The following HS3ST4 variants were observed in gnomAD, a reference collection of about 807,000 sequenced individuals.
HS3ST4 encodes heparan sulfate glucosamine 3-O-sulfotransferase 4.
Under a neutral mutation model 29.2 loss-of-function variants are expected in HS3ST4, and 17 were observed. The ratio of observed to expected loss-of-function variants is 0.58; its 90% CI spans 0.40 to 0.87. The LOEUF (loss-of-function observed/expected upper bound fraction) is 0.87, where lower values mean the gene tolerates loss of function less well. Among genes scored for constraint, HS3ST4 ranks in the 40% least tolerant of loss-of-function variants. HS3ST4 has a pLI of 0.00. For missense variants in HS3ST4, 627 were observed against 634.5 expected (o/e 0.99, Z 0.13); for synonymous variants, 314 against 285.7 (o/e 1.10, Z -1.00).
intron 1 of HS3ST4, among the ~76,000 whole-genome samples, chr16:25,930,044 A>G (rs1425609482): frequency 1.3e-5 from 2 of 152,136 alleles, no homozygotes; most frequent in African/African-American, 4.8e-5. Context: ...TATAAGTGAG[A>G]ACATGTTGTA....
At chr16:25,735,004 T>G (rs1966597196) in intron 1 of HS3ST4, among the ~76,000 whole-genome samples, 2 of 152,218 alleles carry the variant, frequency 1.3e-5, no homozygotes, top group South Asian at 4.1e-4. Flanking sequence ...AAGCTGACTT[T>G]AGTTTAGAAA....
intron 1 of HS3ST4, among the ~76,000 whole-genome samples, chr16:25,766,551 G>A (rs1266440438): frequency 6.6e-6 from 1 of 152,052 alleles, no homozygotes; most frequent in Non-Finnish European, 1.5e-5. Context: ...TAATCTATTT[G>A]TTTATATATT....
chr16:26,027,809 C>T (rs575441189), intron 1 of HS3ST4, among the ~76,000 whole-genome samples: 29 of 152,220 alleles, frequency 1.9e-4, no homozygotes, highest in African/African-American at 5.8e-4. Flanking sequence ...AATACTTGTT[C>T]GAGTTCACAC....
chr16:25,905,887 T>G (rs191708358), intron 1 of HS3ST4, among the ~76,000 whole-genome samples: 187 of 152,314 alleles, frequency 1.2e-3, no homozygotes, highest in African/African-American at 4.2e-3. Context: ...CAGGGCAGGT[T>G]TCATTCCTTT....
intron 1 of HS3ST4, among the ~76,000 whole-genome samples, chr16:25,912,356 T>G (rs1968249737): frequency 6.6e-6 from 1 of 152,170 alleles, no homozygotes; most frequent in Admixed American, 6.5e-5. Flanking sequence ...TTTTACCTCA[T>G]TTTGACTGTG....
intron 1 of HS3ST4, among the ~76,000 whole-genome samples, chr16:26,131,563 A>G (rs1471564918): frequency 6.6e-6 from 1 of 152,220 alleles, no homozygotes; most frequent in African/African-American, 2.4e-5. Flanking sequence ...CTTAAAACCT[A>G]GAAGAGAGAA....
intron 1 of HS3ST4, among the ~76,000 whole-genome samples, chr16:25,763,677 A>G (rs1274985784): frequency 6.6e-6 from 1 of 152,214 alleles, no homozygotes; most frequent in Non-Finnish European, 1.5e-5. Flanking sequence ...GCTCTGGAGC[A>G]TGCATTCAGC....
At chr16:26,005,533 G>A (rs1221975382) in intron 1 of HS3ST4, among the ~76,000 whole-genome samples, 1 of 152,126 alleles carries the variant, frequency 6.6e-6, no homozygotes, top group South Asian at 2.1e-4. Flanking sequence ...ATTGACTGGA[G>A]TTGAATTGTT....
At chr16:25,841,705 C>T (rs988392463) in intron 1 of HS3ST4, among the ~76,000 whole-genome samples, 7 of 152,132 alleles carry the variant, frequency 4.6e-5, no homozygotes, top group African/African-American at 7.2e-5. Flanking sequence ...TTCACCTTCC[C>T]GAGTAGGTCT....
chr16:25,921,754 T>C (rs931189229), intron 1 of HS3ST4, among the ~76,000 whole-genome samples: 1 of 139,396 alleles, frequency 7.2e-6, no homozygotes, highest in Non-Finnish European at 1.6e-5. Flanking sequence ...CTAAGTTTTT[T>C]TTTTCTTTTT....
intron 1 of HS3ST4, among the ~76,000 whole-genome samples, chr16:25,905,645 G>T (rs1216328064): frequency 1.2e-4 from 18 of 152,204 alleles, no homozygotes; most frequent in Non-Finnish European, 5.9e-5. Context: ...CCACCTGGAT[G>T]TGAGGTGAAA....
intron 1 of HS3ST4, among the ~76,000 whole-genome samples, chr16:26,133,736 C>G (rs2141817280): frequency 6.6e-6 from 1 of 152,330 alleles, no homozygotes; most frequent in Admixed American, 6.5e-5. Flanking sequence ...GTCATTCTTT[C>G]TCCACACACG....
intron 1 of HS3ST4, among the ~76,000 whole-genome samples, chr16:25,753,253 A>G (rs1966733168): frequency 6.6e-6 from 1 of 152,234 alleles, no homozygotes; most frequent in African/African-American, 2.4e-5. Context: ...ATAGCAGAAC[A>G]TTATCATAAT....
intron 1 of HS3ST4, among the ~76,000 whole-genome samples, chr16:26,055,357 T>A (rs929354645): frequency 1.3e-5 from 2 of 152,158 alleles, no homozygotes; most frequent in Non-Finnish European, 2.9e-5. Context: ...TACTTTACTT[T>A]GCCTAGCTCA....
intron 1 of HS3ST4, among the ~76,000 whole-genome samples, chr16:26,127,221 T>A (rs1380300478): frequency 6.6e-6 from 1 of 152,204 alleles, no homozygotes; most frequent in Non-Finnish European, 1.5e-5. Context: ...TACTCTTCTG[T>A]CATTGGGAAA....
chr16:26,000,701 TG>T (rs1361324691), intron 1 of HS3ST4, among the ~76,000 whole-genome samples: 1 of 152,140 alleles, frequency 6.6e-6, no homozygotes, highest in Non-Finnish European at 1.5e-5. Flanking sequence ...CAAGGTTCAA[TG>T]AGGAATATCA....
At chr16:26,045,252 A>G (rs1475981264) in intron 1 of HS3ST4, among the ~76,000 whole-genome samples, 2 of 152,180 alleles carry the variant, frequency 1.3e-5, no homozygotes, top group Non-Finnish European at 2.9e-5. Flanking sequence ...TATCAGAAAA[A>G]AAATGACCTC....
At chr16:25,901,610 G>A (rs1478939293) in intron 1 of HS3ST4, among the ~76,000 whole-genome samples, 1 of 152,148 alleles carries the variant, frequency 6.6e-6, no homozygotes, top group African/African-American at 2.4e-5. Flanking sequence ...GGAGGCAGAG[G>A]TTGCAATGAG....
intron 1 of HS3ST4, among the ~76,000 whole-genome samples, chr16:25,893,338 A>G (rs1286192462): frequency 6.6e-6 from 1 of 152,236 alleles, no homozygotes; most frequent in South Asian, 2.1e-4. Context: ...AAGTAAGGGA[A>G]TGATGTGATC....
Sources: allele counts gnomAD v4.1 joint callset (sites outside exome capture counted in the v4.1 genomes callset), GRCh38; gene constraint gnomAD v4.1.1; transcripts MANE v1.5; gene names NCBI Gene and HGNC (gene_info 2026-07-23, HGNC 2026-07-21).